The following CHM variants were observed in gnomAD, a reference collection of about 807,000 sequenced individuals.
The protein encoded by CHM is rab proteins geranylgeranyltransferase component A 1.
Under a neutral mutation model 49.0 loss-of-function variants are expected in CHM, and 10 were observed. The observed-to-expected ratio is 0.20, with a 90% confidence interval of 0.13 to 0.35. The LOEUF is 0.35. Among genes scored for constraint, CHM ranks in the 10% least tolerant of loss-of-function variants. The probability of loss-of-function intolerance (pLI) is 1.00; values close to 1 mark genes in which losing one functional copy is unlikely to be tolerated. For synonymous variants in CHM, 184 were observed against 167.5 expected, an observed-to-expected ratio of 1.10 and a Z score of -0.76; for missense variants, 455 against 478.4, an observed-to-expected ratio of 0.95 and a Z score of 0.46.
intron 4 of CHM, 45 bp downstream of exon 4, chrX:85,978,722 A>G: frequency 8.6e-7 from 1 of 1,157,368 alleles, no homozygotes; most frequent in East Asian, 3.2e-5. Flanking sequence ...AAGAAGAGTG[A>G]AAAAGTCATT....
At chrX:85,890,581 T>A (rs1925375629) in intron 12 of CHM, among the ~76,000 whole-genome samples, 1 of 112,059 alleles carries the variant, frequency 8.9e-6, no homozygotes, top group African/African-American at 3.2e-5. Flanking sequence ...TGCTTCTTCC[T>A]GATTTTTCTC....
chrX:85,905,220 A>AT (rs1303077078), intron 9 of CHM, among the ~76,000 whole-genome samples: 1 of 111,205 alleles, frequency 9.0e-6, no homozygotes, highest in Non-Finnish European at 1.9e-5. Flanking sequence ...ATCTCTTTTT[A>AT]TATCTAGTCT....
At chrX:85,933,708 T>C (rs1928570850) in intron 8 of CHM, among the ~76,000 whole-genome samples, 1 of 112,114 alleles carries the variant, frequency 8.9e-6, no homozygotes, top group South Asian at 3.7e-4. Flanking sequence ...CGAGAAGGAA[T>C]ATTTTACATT....
At chrX:86,008,601 C>A (rs747458905) in intron 2 of CHM, among the ~76,000 whole-genome samples, 1 of 111,384 alleles carries the variant, frequency 9.0e-6, no homozygotes, top group South Asian at 3.8e-4. Context: ...GCTGTCTTCC[C>A]TTAATAAACA....
chrX:85,990,007 T>G (rs1932104253), intron 2 of CHM, among the ~76,000 whole-genome samples: 1 of 111,927 alleles, frequency 8.9e-6, no homozygotes, highest in Non-Finnish European at 1.9e-5. Context: ...CAAAGGAATA[T>G]AAATAATTCT....
chrX:85,960,291 G>T (rs2147669726), intron 5 of CHM, among the ~76,000 whole-genome samples: 1 of 111,396 alleles, frequency 9.0e-6, no homozygotes, highest in African/African-American at 3.3e-5. Flanking sequence ...AAACCTTAAG[G>T]TTTAATGCCA....
At position 85,913,333 on chromosome X, in the gene CHM, AAAG is replaced by A. The variant is rs1331482925; in HGVS notation, c.1167-1998_1167-1996del. Among the ~76,000 whole-genome samples, 196 of 25,173 alleles carry A rather than the reference AAAG, an allele frequency of 7.8e-3. 2 individuals are homozygous for A. The highest frequency in any genetic ancestry group is 0.015 in the African/African-American group (97 of 6,507). 21.9% of individuals were successfully genotyped at this position (25,173 alleles called of 115,157 possible). A position where few individuals can be genotyped will look rare whatever the true frequency, so the allele number is the denominator to read the frequency against. On this transcript the variant is annotated intron_variant, in intron 8 of 14. Transcript: ENST00000357749. ...TCTGTCAAAAAAAAAAAAAAAAAAA[AAAG>A]AAAGAAAGAAAGAAAGAAAGAAAGA...
At chrX:85,866,337 T>C (rs1272414554) in intron 14 of CHM, among the ~76,000 whole-genome samples, 1 of 112,433 alleles carries the variant, frequency 8.9e-6, no homozygotes, top group Non-Finnish European at 1.9e-5. Context: ...TTCCACGTGA[T>C]GTTGGGCCTG....
At chrX:85,984,304 G>T (rs1034410391) in intron 2 of CHM, among the ~76,000 whole-genome samples, 3 of 111,804 alleles carry the variant, frequency 2.7e-5, no homozygotes, top group African/African-American at 9.7e-5. Context: ...GTAAAAATGG[G>T]CAAAGGGTTT....
chrX:86,044,371 A>G (rs1603288062), intron 1 of CHM, among the ~76,000 whole-genome samples: 2 of 112,361 alleles, frequency 1.8e-5, no homozygotes, highest in South Asian at 3.7e-4. Context: ...GCAGAAGTTG[A>G]TAACATTCCT....
At chrX:85,920,009 TA>T (rs915624508) in intron 8 of CHM, among the ~76,000 whole-genome samples, 4 of 111,681 alleles carry the variant, frequency 3.6e-5, no homozygotes, top group South Asian at 7.4e-4. Flanking sequence ...CGATAGTCTT[TA>T]AAAAAAATAA....
At chrX:85,884,628 A>G (rs1403809671) in intron 12 of CHM, among the ~76,000 whole-genome samples, 3 of 111,402 alleles carry the variant, frequency 2.7e-5, no homozygotes, top group Non-Finnish European at 3.8e-5. Flanking sequence ...ATATGATGTG[A>G]AGGTAAACTT....
chrX:86,039,015 A>G (rs1481368794), intron 1 of CHM, among the ~76,000 whole-genome samples: 3 of 112,556 alleles, frequency 2.7e-5, no homozygotes, highest in Non-Finnish European at 3.8e-5. Context: ...TTTCACCTAC[A>G]TCAAACTTAG....
intron 2 of CHM, among the ~76,000 whole-genome samples, chrX:86,007,793 T>C (rs1045615400): frequency 2.7e-5 from 3 of 112,213 alleles, no homozygotes; most frequent in African/African-American, 9.7e-5. Flanking sequence ...ACAGGAACGC[T>C]TTTACACAGT....
At chrX:85,897,053 A>G (rs1925908597) in intron 11 of CHM, among the ~76,000 whole-genome samples, 1 of 94,033 alleles carries the variant, frequency 1.1e-5, no homozygotes. Context: ...AATATATAAT[A>G]CATTACATAA....
intron 2 of CHM, among the ~76,000 whole-genome samples, chrX:85,989,489 A>C (rs7892320): frequency 2.8e-3 from 318 of 112,359 alleles, no homozygotes; most frequent in African/African-American, 9.8e-3. Context: ...AAAAGCAAAA[A>C]TTGACAAGTG....
At chrX:85,987,273 G>A (rs1442424908) in intron 2 of CHM, among the ~76,000 whole-genome samples, 1 of 111,900 alleles carries the variant, frequency 8.9e-6, no homozygotes, top group African/African-American at 3.2e-5. Context: ...TTCCCAACCT[G>A]GCTAGAGAGG....
intron 2 of CHM, among the ~76,000 whole-genome samples, chrX:85,997,435 T>C (rs1364845106): frequency 8.9e-6 from 1 of 111,850 alleles, no homozygotes; most frequent in Non-Finnish European, 1.9e-5. Flanking sequence ...ATAATTTCTA[T>C]ATTTCTTGAG....
intron 9 of CHM, chrX:85,903,715 C>T: frequency 2.6e-6 from 1 of 380,712 alleles, no homozygotes; most frequent in South Asian, 2.4e-5. Context: ...TCCCAAATCC[C>T]AGGAAAAAAA....
Sources: gnomAD v4.1 joint callset for allele counts (sites outside exome capture counted in the v4.1 genomes callset) on GRCh38, gnomAD v4.1.1 for gene constraint, MANE v1.5 for transcripts, NCBI Gene and HGNC (gene_info 2026-07-23, HGNC 2026-07-21) for gene names.